The following RGL3 variants were observed in gnomAD, a reference collection of about 807,000 sequenced individuals.
The protein encoded by RGL3 is ral guanine nucleotide dissociation stimulator like 3.
A neutral mutation model predicts 90.6 loss-of-function variants in RGL3; 85 were observed. That is an observed-to-expected ratio of 0.94 (90% confidence interval 0.79 to 1.12). RGL3 has a LOEUF of 1.12. Among genes scored for constraint, RGL3 ranks in the 50% most tolerant of loss-of-function variants. RGL3 has a pLI of 0.00. For synonymous variants in RGL3, 408 were observed against 385.5 expected, an observed-to-expected ratio of 1.06 and a Z score of -0.68; for missense variants, 1,034 against 939.2, an observed-to-expected ratio of 1.10 and a Z score of -1.32.
At chr19:11,418,584 G>T in intron 2 of RGL3, 87 bp downstream of exon 2, 1 of 1,050,316 alleles carries the variant, frequency 9.5e-7, no homozygotes, top group Non-Finnish European at 1.4e-6. Context: ...TCCGCCCACT[G>T]CACCTGGCGG....
chr19:11,418,640 C>G lies in RGL3; in HGVS notation c.147+31G>C, dbSNP rs544993058. The G allele has an allele frequency of 7.1e-4, 1,072 of 1,501,480 alleles. 10 individuals carry two copies. Among genetic ancestry groups the G allele is most frequent in the Middle Eastern group, 6.3e-3 (31 of 4,896 alleles). The allele number at this position is 1,501,480 out of a possible 1,614,324, so 93.0% of individuals were successfully genotyped here. On this transcript the variant is annotated intron_variant, in intron 2 of 18. Transcript: ENST00000380456. The stretch of plus-strand genomic sequence containing the variant: ...TCCGCCCTCAACTGGTCGCTTCCGG[C>G]CCCGCGCCACCCACCAAACCCCCTC...
chr19:11,402,280 C>G (rs763712223), intron 11 of RGL3, 33 bp from the exon 12 acceptor site: 1 of 1,612,094 alleles, frequency 6.2e-7, no homozygotes. Context: ...TTGCAGCACC[C>G]AGGGTCAAGG....
At chr19:11,410,586 G>A (rs544911895) in intron 5 of RGL3, among the ~76,000 whole-genome samples, 3 of 151,996 alleles carry the variant, frequency 2.0e-5, no homozygotes, top group African/African-American at 7.2e-5. Flanking sequence ...AGAGGCTTAG[G>A]AGGGAGGATC....
Position 11,406,467 on chromosome 19 carries a change from G to A in RGL3, c.948C>T (p.Ala316=), listed in dbSNP as rs1474326363. The change falls in exon 7 of 19, where the codon GCC becomes GCT. Residue 316 remains alanine, a synonymous_variant. Transcript: ENST00000380456. ...CCAGCCGCTGCGCCCTCTGCGGGGC[G>A]GCCAAGCCCGGTGCTCCGAGCACGG... ...LGSVLGAPGL[A]APQRAQRLEK... 6.4e-7 allele frequency: 1 copy of A among 1,551,388 alleles called. No individual in the cohort carries two copies. The highest frequency in any genetic ancestry group is 8.7e-7 in the Non-Finnish European group (1 of 1,151,458).
In RGL3 at chr19:11,406,487, G is replaced by A. The variant is rs767143386; in HGVS notation, c.928C>T (p.Leu310Phe). Residue 310 changes from leucine (L) to phenylalanine (F), a missense_variant, in exon 7 of 19, where the codon CTC becomes TTC. Physicochemically the swap from Leu to Phe is conservative, Grantham distance 22. Coordinates refer to ENST00000380456, the MANE Select transcript of RGL3 (RefSeq NM_001035223.4). ...TVTGCVLGSV[L>F]GAPGLAAPQR... ...GGGGCGGCCAAGCCCGGTGCTCCGA[G>A]CACGGAACCCAGCACACAGCCGGTC... 5.1e-6 allele frequency: 8 copies of A among 1,554,882 alleles called. No homozygotes were observed. The highest frequency in any genetic ancestry group is 6.1e-6 in the Non-Finnish European group (7 of 1,152,478).
chr19:11,399,975 G>T, intron 15 of RGL3, 24 bp from the exon 16 acceptor site: 1 of 1,574,290 alleles, frequency 6.4e-7, no homozygotes, highest in Non-Finnish European at 8.6e-7. Context: ...AGAGGCTGAG[G>T]TGGGGTGGCT....
chr19:11,402,302 A>G, intron 11 of RGL3, 55 bp from the exon 12 acceptor site: 1 of 1,611,684 alleles, frequency 6.2e-7, no homozygotes, highest in Non-Finnish European at 8.5e-7. Flanking sequence ...TCAAGGGTCA[A>G]GGTCAGGGGC....
rs780700264 is a variant in RGL3 at position 11,397,489 on chromosome 19, C to G, written c.1855G>C (p.Val619Leu). The change falls in exon 17 of 19, where the codon GTC becomes CTC. Residue 619 changes from valine (V) to leucine (L), a missense_variant. Val to Leu is a conservative substitution (Grantham distance 32). Transcript: ENST00000380456. ...TTCCCGTGGTCATTGTCGATGCTGA[C>G]GCGGATGACACGGGCCTCCGAGCTC... ...QQSSEARVIR[V>L]SIDNDHGNLY... 10 of 1,613,456 alleles carry G rather than the reference C, an allele frequency of 6.2e-6. No homozygotes were observed. The highest frequency in any genetic ancestry group is 3.4e-6 in the Non-Finnish European group (4 of 1,179,806).
intron 5 of RGL3, among the ~76,000 whole-genome samples, chr19:11,412,457 T>C (rs1432345582): frequency 3.9e-5 from 6 of 152,174 alleles, no homozygotes; most frequent in South Asian, 4.1e-4. Context: ...TACTATTCTC[T>C]CTACTTTTGT....
chr19:11,416,799 A>G, intron 3 of RGL3, 37 bp downstream of exon 3: 1 of 1,609,450 alleles, frequency 6.2e-7, no homozygotes, highest in South Asian at 1.1e-5. Flanking sequence ...TTGGGGTTCT[A>G]GGGTGGAGAA....
chr19:11,400,269 G>C lies in RGL3; in HGVS notation c.1513C>G (p.Pro505Ala). ...SYRLSRVIEP[P>A]AASCPSSPRI... is the part of the protein sequence containing the mutation. ...GGGGAGCTGGGGCAGGAGGCAGCTG[G>C]TGGCTCAATGACCCGGGAGAGCCGG... Residue 505 changes from proline (P) to alanine (A), a missense_variant, in exon 14 of 19, where the codon CCA becomes GCA. By Grantham distance (27) the Pro-to-Ala change is conservative. Transcript: ENST00000380456. 1 of 1,599,014 alleles carries C rather than the reference G, an allele frequency of 6.3e-7. No homozygotes were observed. Among genetic ancestry groups the C allele is most frequent in the South Asian group, 1.1e-5 (1 of 89,044 alleles).
intron 5 of RGL3, among the ~76,000 whole-genome samples, chr19:11,412,632 C>T (rs896466310): frequency 4.0e-5 from 6 of 150,266 alleles, no homozygotes; most frequent in Admixed American, 1.3e-4. Flanking sequence ...CCCAGGAGTT[C>T]GAGTCCAGCC....
chr19:11,417,920 A>C (rs1969032020), intron 2 of RGL3, among the ~76,000 whole-genome samples: 2 of 151,870 alleles, frequency 1.3e-5, no homozygotes, highest in South Asian at 4.2e-4. Flanking sequence ...CAAGTCCTAG[A>C]CTCAAGCGGT....
intron 5 of RGL3, among the ~76,000 whole-genome samples, chr19:11,410,408 T>C (rs2144732899): frequency 6.6e-6 from 1 of 152,194 alleles, no homozygotes; most frequent in East Asian, 1.9e-4. Flanking sequence ...AAGTGGGTAC[T>C]GGGCTGGGCA....
At chr19:11,410,490 T>G (rs1235822050) in intron 5 of RGL3, among the ~76,000 whole-genome samples, 1 of 151,972 alleles carries the variant, frequency 6.6e-6, no homozygotes, top group African/African-American at 2.4e-5. Flanking sequence ...GAGACCAGCC[T>G]GGGCGGCGTA....
At position 11,406,530 on chromosome 19, in the gene RGL3, C is replaced by T. The variant is rs543186853; in HGVS notation, c.885G>A (p.Val295=). 58 of 1,550,610 alleles carry T rather than the reference C, an allele frequency of 3.7e-5. No individual in the cohort carries two copies. In the East Asian group the frequency reaches 1.4e-3, roughly 37 times the overall value. ...AGCCGGTCACGGTGTTGAACTGGGC[C>T]ACGGTGGCGCGCACAGTGGGGGAGG... is the stretch of plus-strand genomic sequence containing the variant. ...AGASPTVRAT[V]AQFNTVTGCV... Residue 295 remains valine (V), a synonymous_variant, in exon 7 of 19, where the codon GTG becomes GTA. Coordinates refer to ENST00000380456, the MANE Select transcript of RGL3 (RefSeq NM_001035223.4).
At chr19:11,395,618 C>A (rs317920) in intron 18 of RGL3, among the ~76,000 whole-genome samples, 1 of 152,024 alleles carries the variant, frequency 6.6e-6, no homozygotes, top group Non-Finnish European at 1.5e-5. Flanking sequence ...CTCACTCGAC[C>A]CTAGACAATC....
intron 5 of RGL3, 64 bp from the exon 6 acceptor site, chr19:11,406,928 G>A (rs1161836145): frequency 5.4e-6 from 8 of 1,493,956 alleles, no homozygotes; most frequent in Non-Finnish European, 6.4e-6. Context: ...GTGACCTTGG[G>A]TGAGTCCCTG....
intron 13 of RGL3, among the ~76,000 whole-genome samples, chr19:11,401,300 C>A (rs1404275603): frequency 6.7e-6 from 1 of 149,646 alleles, no homozygotes; most frequent in East Asian, 2.0e-4. Flanking sequence ...GTGATTTTGG[C>A]TCACTCCAAC....
Sources: gnomAD v4.1 joint callset for allele counts (sites outside exome capture counted in the v4.1 genomes callset) on GRCh38, gnomAD v4.1.1 for gene constraint, MANE v1.5 for transcripts, NCBI Gene and HGNC (gene_info 2026-07-23, HGNC 2026-07-21) for gene names.